The following DYNAP variants were observed in gnomAD, a reference collection of about 807,000 sequenced individuals.
The protein encoded by DYNAP is dynactin associated protein.
DYNAP carries 7 observed loss-of-function variants against 8.5 expected under a neutral mutation model. The ratio of observed to expected loss-of-function variants is 0.82; its 90% CI spans 0.47 to 1.54. DYNAP has a LOEUF of 1.54. Ranked by LOEUF, DYNAP falls within the 40% of genes most tolerant of loss-of-function variation. The probability of loss-of-function intolerance (pLI) is 0.01; values close to 1 mark genes in which losing one functional copy is unlikely to be tolerated. For synonymous variants in DYNAP, 77 were observed against 77.9 expected (o/e 0.99, Z 0.06); for missense variants, 256 against 224.3 (o/e 1.14, Z -0.90).
In DYNAP at chr18:54,591,294, G is replaced by A. The variant is rs1911064355; in HGVS notation, c.12G>A (p.Lys4=). 1.2e-6 allele frequency: 2 copies of A among 1,612,834 alleles called. No individual in the cohort carries two copies. The highest frequency in any genetic ancestry group is 1.7e-6 in the Non-Finnish European group (2 of 1,179,224). The stretch of plus-strand genomic sequence containing the variant: ...CTGGCAGCTCAAGAATGGACAGAAA[G>A]CATGGAAAATACATATTGAACGTTG... MDR[K]HGKYILNVEH... Residue 4 remains lysine, a synonymous_variant, in exon 1 of 3, where the codon AAG becomes AAA. Transcript: ENST00000648945.
chr18:54,583,493 A>C (rs1910784004), upstream of DYNAP, among the ~76,000 whole-genome samples: 1 of 152,194 alleles, frequency 6.6e-6, no homozygotes, highest in Non-Finnish European at 1.5e-5. Context: ...AGGAGTACAG[A>C]GAAGGAACTA....
chr18:54,580,388 T>C, the DYNAP span, among the ~76,000 whole-genome samples: 1 of 152,248 alleles, frequency 6.6e-6, no homozygotes, highest in Non-Finnish European at 1.5e-5. Flanking sequence ...TATCACGATG[T>C]CTACTGAATC....
chr18:54,578,953 C>A, the DYNAP span, among the ~76,000 whole-genome samples: 1 of 152,070 alleles, frequency 6.6e-6, no homozygotes, highest in Non-Finnish European at 1.5e-5. Flanking sequence ...GTGCCCACCA[C>A]CATGCCCGGC....
intron 2 of DYNAP, among the ~76,000 whole-genome samples, chr18:54,595,478 A>G (rs373035028): frequency 6.6e-6 from 1 of 152,108 alleles, no homozygotes; most frequent in African/African-American, 2.4e-5. Context: ...GGAGACTGTC[A>G]TATTTAAAGT....
the DYNAP span, among the ~76,000 whole-genome samples, chr18:54,582,005 G>T: frequency 5.3e-5 from 8 of 152,070 alleles, no homozygotes; most frequent in African/African-American, 1.9e-4. Flanking sequence ...GAAATGATCC[G>T]GCCGGGCGCG....
Position 54,598,184 on chromosome 18 carries a change from A to G in DYNAP, c.*39A>G, listed in dbSNP as rs1911397342. The G allele has an allele frequency of 1.9e-6, 3 of 1,563,628 alleles. No individual in the cohort carries two copies. Among genetic ancestry groups the G allele is most frequent in the Non-Finnish European group, 1.7e-6 (2 of 1,151,912 alleles). On this transcript the variant is annotated 3_prime_UTR_variant, in exon 3 of 3. Transcript: ENST00000648945. Reference sequence around the variant, plus strand: ...AGCCATCACTTCAACTGAAACTTCAACCTCTACCACTTCAACTCAGTTTGC... The same window carrying G: ...AGCCATCACTTCAACTGAAACTTCAGCCTCTACCACTTCAACTCAGTTTGC...
At chr18:54,588,316 C>A (rs1171785169), upstream of DYNAP, among the ~76,000 whole-genome samples, 1 of 151,026 alleles carries the variant, frequency 6.6e-6, no homozygotes, top group Non-Finnish European at 1.5e-5. Flanking sequence ...AGCAATTCTT[C>A]TGCCCCAGCC....
At chr18:54,580,578 C>T in the DYNAP span, among the ~76,000 whole-genome samples, 2 of 152,206 alleles carry the variant, frequency 1.3e-5, no homozygotes, top group African/African-American at 4.8e-5. Context: ...CTAACATCAC[C>T]ATTCTCACAG....
At chr18:54,591,658 GTGTT>G (rs1229285654) in intron 1 of DYNAP, among the ~76,000 whole-genome samples, 2 of 151,958 alleles carry the variant, frequency 1.3e-5, no homozygotes, top group African/African-American at 4.8e-5. Context: ...AATGATGTCA[GTGTT>G]TATTTATTAA....
At position 54,598,217 on chromosome 18, in the gene DYNAP, A is replaced by G. The variant is rs1911398243; in HGVS notation, c.*72A>G. 1 of 1,449,310 alleles carries G rather than the reference A, an allele frequency of 6.9e-7. No homozygotes were observed. The highest frequency in any genetic ancestry group is 1.9e-5 in the Admixed American group (1 of 52,272). The allele number at this position is 1,449,310 out of a possible 1,614,324, so 89.8% of individuals were successfully genotyped here. On this transcript the variant is annotated 3_prime_UTR_variant, in exon 3 of 3. Coordinates refer to ENST00000648945, the MANE Select transcript of DYNAP (RefSeq NM_173629.3). Reference sequence around the variant, plus strand: ...CACTTCAACTCAGTTTGCAACTATAATAGCTACTCCTATCACTTCAAGTGG... The same window carrying G: ...CACTTCAACTCAGTTTGCAACTATAGTAGCTACTCCTATCACTTCAAGTGG...
At chr18:54,577,209 A>G in the DYNAP span, among the ~76,000 whole-genome samples, 1 of 152,186 alleles carries the variant, frequency 6.6e-6, no homozygotes, top group East Asian at 1.9e-4. Flanking sequence ...AATCTCCAAG[A>G]TTAGGTTTAT....
At chr18:54,595,800 G>T (rs909268962) in intron 2 of DYNAP, among the ~76,000 whole-genome samples, 2 of 152,082 alleles carry the variant, frequency 1.3e-5, no homozygotes, top group African/African-American at 4.8e-5. Flanking sequence ...AGTTTGGTTT[G>T]ATTCCCCAGA....
chr18:54,594,979 T>C lies in DYNAP; in HGVS notation c.98T>C (p.Ile33Thr). Residue 33 changes from isoleucine (I) to threonine (T), a missense_variant, in exon 2 of 3, where the codon ATA becomes ACA. Physicochemically the swap from Ile to Thr is moderately conservative, Grantham distance 89. Transcript: ENST00000648945. ...AATGACCAAGAGGCTCACAGTTCCA[T>C]ATGCTGGTGTCTACCTTCAAATGAT... ...HPNDQEAHSS[I>T]CWCLPSNDIT... The C allele has an allele frequency of 1.2e-6, 2 of 1,612,632 alleles. No homozygotes were observed. Among genetic ancestry groups the C allele is most frequent in the Non-Finnish European group, 1.7e-6 (2 of 1,179,108 alleles).
At chr18:54,576,597 G>C in the DYNAP span, among the ~76,000 whole-genome samples, 585 of 151,884 alleles carry the variant, frequency 3.9e-3, 7 homozygotes, top group African/African-American at 0.013. Flanking sequence ...CCAGGAGTTC[G>C]AGACCAGCCT....
At chr18:54,579,445 A>G in the DYNAP span, among the ~76,000 whole-genome samples, 2 of 152,256 alleles carry the variant, frequency 1.3e-5, no homozygotes, top group African/African-American at 2.4e-5. Flanking sequence ...AGTCCAATAC[A>G]TAAGTCAAGA....
At chr18:54,577,841 C>A in the DYNAP span, among the ~76,000 whole-genome samples, 1 of 151,810 alleles carries the variant, frequency 6.6e-6, no homozygotes, top group Non-Finnish European at 1.5e-5. Context: ...GTGGCAGGTG[C>A]CTGTAGTCCC....
chr18:54,578,264 C>T, the DYNAP span, among the ~76,000 whole-genome samples: 1 of 152,110 alleles, frequency 6.6e-6, no homozygotes, highest in African/African-American at 2.4e-5. Flanking sequence ...TACATATTAC[C>T]ACAGTTTCCT....
chr18:54,589,855 A>C (rs929676690), upstream of DYNAP, among the ~76,000 whole-genome samples: 5 of 152,166 alleles, frequency 3.3e-5, no homozygotes, highest in Non-Finnish European at 7.4e-5. Context: ...GAATCAAAAA[A>C]TCAATCAAAA....
the DYNAP span, among the ~76,000 whole-genome samples, chr18:54,578,379 A>G: frequency 6.6e-6 from 1 of 152,232 alleles, no homozygotes; most frequent in Non-Finnish European, 1.5e-5. Flanking sequence ...TCTGACTGTT[A>G]AGGTGGGTCT....
Sources: gnomAD v4.1 joint callset for allele counts (sites outside exome capture counted in the v4.1 genomes callset) on GRCh38, gnomAD v4.1.1 for gene constraint, MANE v1.5 for transcripts, NCBI Gene and HGNC (gene_info 2026-07-23, HGNC 2026-07-21) for gene names.